Variants in SYNCRIP observed in about 807,000 individuals in gnomAD.
The protein encoded by SYNCRIP is synaptotagmin binding cytoplasmic RNA interacting protein.
A neutral mutation model predicts 68.9 loss-of-function variants in SYNCRIP; 9 were observed. The ratio of observed to expected loss-of-function variants is 0.13; its 90% CI spans 0.08 to 0.23. SYNCRIP has a LOEUF of 0.23. Ranked by LOEUF, SYNCRIP falls within the 10% of genes least tolerant of loss-of-function variation. The pLI is 1.00. For missense variants in SYNCRIP, 414 were observed against 770.6 expected (o/e 0.54, Z 5.48); for synonymous variants, 258 against 254.0 (o/e 1.02, Z -0.15).
rs1583239237 is a variant in SYNCRIP at position 85,614,797 on chromosome 6, G to C, written c.1831C>G (p.Gln611Glu). 6.2e-7 allele frequency: 1 copy of C among 1,610,872 alleles called. No homozygotes were observed. Among genetic ancestry groups the C allele is most frequent in the South Asian group, 1.1e-5 (1 of 90,630 alleles). The change falls in exon 11 of 11, where the codon CAG (glutamine) becomes GAG (glutamate). Residue 611 changes from glutamine to glutamate, a missense_variant. By Grantham distance (29) the Gln-to-Glu change is conservative. Coordinates refer to ENST00000369622, the MANE Select transcript of SYNCRIP (RefSeq NM_006372.5). Reference sequence around the variant, plus strand: ...CCAAAAGTATCCTGATAAAACTCCTGGTTTTCAGATTTGTAACCATAGTTA... The same window carrying C: ...CCAAAAGTATCCTGATAAAACTCCTCGTTTTCAGATTTGTAACCATAGTTA... The part of the protein sequence containing the change: ...SGNYGYKSEN[Q>E]EFYQDTFGQQ...
chr6:85,622,421 C>A (rs1806523250), intron 8 of SYNCRIP, 61 bp downstream of exon 8: 1 of 1,474,196 alleles, frequency 6.8e-7, no homozygotes, highest in African/African-American at 1.4e-5. Flanking sequence ...TCCCCCCACC[C>A]CAACCCCGGC....
chr6:85,623,332 G>A (rs949472116), intron 7 of SYNCRIP, among the ~76,000 whole-genome samples: 2 of 151,960 alleles, frequency 1.3e-5, no homozygotes, highest in African/African-American at 4.8e-5. Context: ...GGGAGGCCGA[G>A]GCAAGCAGAT....
At chr6:85,643,845 C>G (rs1486855391), upstream of SYNCRIP, 1 of 152,296 alleles carries the variant, frequency 6.6e-6, no homozygotes, top group Non-Finnish European at 1.5e-5. Flanking sequence ...CGCTCTCCTC[C>G]TCGGGAAGCT....
chr6:85,616,124 A>G (rs946795956), intron 10 of SYNCRIP, among the ~76,000 whole-genome samples: 1 of 152,202 alleles, frequency 6.6e-6, no homozygotes, highest in Admixed American at 6.5e-5. Flanking sequence ...CAACCACACA[A>G]ATCAGCATAT....
At chr6:85,615,486 AGATT>A (rs775071743) in intron 10 of SYNCRIP, 139 bp from the exon 11 acceptor site, 39 of 551,174 alleles carry the variant, frequency 7.1e-5, no homozygotes, top group Non-Finnish European at 1.1e-4. Flanking sequence ...TATTTGTACT[AGATT>A]AAGTTTTAGT....
chr6:85,638,631 A>T (rs2128302668), intron 4 of SYNCRIP, among the ~76,000 whole-genome samples: 1 of 152,254 alleles, frequency 6.6e-6, no homozygotes, highest in African/African-American at 2.4e-5. Context: ...GATTTTTAAC[A>T]TTTTCTACTC....
chr6:85,612,970 A>C, downstream of SYNCRIP: 1 of 1,542,406 alleles, frequency 6.5e-7, no homozygotes, highest in Non-Finnish European at 8.8e-7. Context: ...ATCTTAAATT[A>C]ATAATGTGTA....
At chr6:85,632,891 T>C (rs942868320) in intron 6 of SYNCRIP, among the ~76,000 whole-genome samples, 2 of 152,138 alleles carry the variant, frequency 1.3e-5, no homozygotes, top group African/African-American at 4.8e-5. Flanking sequence ...GCATTGATCA[T>C]GACACTGCAC....
At chr6:85,641,483 G>A in intron 1 of SYNCRIP, 32 bp from the exon 2 acceptor site, 1 of 1,585,256 alleles carries the variant, frequency 6.3e-7, no homozygotes, top group Non-Finnish European at 8.6e-7. Context: ...AATTAAACTA[G>A]GATCTTCAAA....
At chr6:85,610,841 A>T (rs1043464740), downstream of SYNCRIP, 2 of 151,980 alleles carry the variant, frequency 1.3e-5, no homozygotes, top group Non-Finnish European at 2.9e-5. Flanking sequence ...ATGAAATGTA[A>T]ATGTTTTGTG....
chr6:85,613,139 A>G (rs556114741), downstream of SYNCRIP, among the ~76,000 whole-genome samples: 2 of 151,720 alleles, frequency 1.3e-5, no homozygotes, highest in Admixed American at 6.6e-5. Flanking sequence ...TTGAGTGAGG[A>G]GGCTGGACTG....
chr6:85,634,478 C>G (rs1170899777), intron 6 of SYNCRIP, among the ~76,000 whole-genome samples: 1 of 152,196 alleles, frequency 6.6e-6, no homozygotes, highest in Non-Finnish European at 1.5e-5. Context: ...ATACGGGGGA[C>G]TGATTCCAGG....
At chr6:85,617,402 A>C (rs1562077710) in intron 10 of SYNCRIP, among the ~76,000 whole-genome samples, 1 of 152,224 alleles carries the variant, frequency 6.6e-6, no homozygotes, top group Non-Finnish European at 1.5e-5. Flanking sequence ...TTCTACTTTA[A>C]TAAATTAACC....
chr6:85,607,932 A>G (rs1804961712), downstream of SYNCRIP: 1 of 152,100 alleles, frequency 6.6e-6, no homozygotes, highest in African/African-American at 2.4e-5. Context: ...AGTGACCTAA[A>G]AAGTCTTGTC....
Position 85,640,584 on chromosome 6 carries a change from T to C in SYNCRIP, c.149-20A>G, listed in dbSNP as rs201127062. ...CTAGCCCTGAAAAAAATAAAAGTTA[T>C]CAGCTTTTAATATTTTTAGAAAAGA... is the stretch of plus-strand genomic sequence containing the variant. On this transcript the variant is annotated intron_variant, in intron 2 of 10. Transcript: ENST00000369622. 2.7e-6 allele frequency: 4 copies of C among 1,463,650 alleles called. No homozygotes were observed. The highest frequency in any genetic ancestry group is 2.8e-6 in the Non-Finnish European group (3 of 1,075,034). The allele number at this position is 1,463,650 out of a possible 1,614,324, so 90.7% of individuals were successfully genotyped here. A position where few individuals can be genotyped will look rare whatever the true frequency, so the allele number is the denominator to read the frequency against.
At chr6:85,641,168 T>A (rs1482464815) in intron 2 of SYNCRIP, 124 bp downstream of exon 2, 3 of 720,284 alleles carry the variant, frequency 4.2e-6, no homozygotes, top group Non-Finnish European at 6.9e-6. Context: ...TAACCAACTA[T>A]CACAACAAGC....
intron 10 of SYNCRIP, among the ~76,000 whole-genome samples, chr6:85,615,977 C>G (rs1583243535): frequency 6.6e-6 from 1 of 152,186 alleles, no homozygotes; most frequent in African/African-American, 2.4e-5. Context: ...TTAAAGTTTT[C>G]CTGTTTCTAC....
At chr6:85,642,302 A>C (rs1263231086) in intron 1 of SYNCRIP, among the ~76,000 whole-genome samples, 2 of 151,904 alleles carry the variant, frequency 1.3e-5, no homozygotes, top group Non-Finnish European at 2.9e-5. Context: ...CGCCCGGCCG[A>C]GACGTGACCC....
chr6:85,619,138 C>T, intron 9 of SYNCRIP, 130 bp downstream of exon 9: 1 of 1,365,064 alleles, frequency 7.3e-7, no homozygotes, highest in Non-Finnish European at 1.0e-6. Context: ...TCACTAAAAC[C>T]AAAAGGTTTT....
Sources: gnomAD v4.1 joint callset for allele counts (sites outside exome capture counted in the v4.1 genomes callset) on GRCh38, gnomAD v4.1.1 for gene constraint, MANE v1.5 for transcripts, NCBI Gene and HGNC (gene_info 2026-07-23, HGNC 2026-07-21) for gene names.